The following DNAH11 variants were observed in gnomAD, a reference collection of about 807,000 sequenced individuals.
DNAH11 encodes dynein axonemal heavy chain 11.
Under a neutral mutation model 526.0 loss-of-function variants are expected in DNAH11, and 442 were observed. The ratio of observed to expected loss-of-function variants is 0.84; its 90% confidence interval spans 0.78 to 0.91. DNAH11 has a LOEUF of 0.91. DNAH11 is among the 40% of genes least tolerant of loss of function. The pLI is 0.00. For missense variants in DNAH11, 6,989 were observed against 5,448.7 expected (o/e 1.28, Z -8.90); for synonymous variants, 2,461 against 1,935.9 (o/e 1.27, Z -7.12).
chr7:21,861,005 T>A (rs1302391472), intron 68 of DNAH11, among the ~76,000 whole-genome samples: 2 of 152,138 alleles, frequency 1.3e-5, no homozygotes, highest in African/African-American at 4.8e-5. Flanking sequence ...TTCCACCAGG[T>A]GCCTCCCACA....
At chr7:21,620,228 T>C in intron 25 of DNAH11, 150 bp downstream of exon 25, 1 of 702,268 alleles carries the variant, frequency 1.4e-6, no homozygotes, top group South Asian at 3.0e-5. Flanking sequence ...CACTTAACAT[T>C]TTTTTTGTGG....
chr7:21,738,819 C>T lies in DNAH11; in HGVS notation c.7764C>T (p.Thr2588=), dbSNP rs1417006605. Residue 2588 remains threonine, a synonymous_variant, in exon 47 of 82, where the codon ACC becomes ACT. Coordinates refer to ENST00000409508, the MANE Select transcript of DNAH11 (RefSeq NM_001277115.2). ...MNMPEVDLYG[T]VQPHTLIRQH... is the part of the protein sequence containing the mutation. ...TGCCTGAAGTGGACTTATATGGCAC[C>T]GTTCAGCCTCACACCCTGATCCGGC... 3.7e-6 allele frequency: 6 copies of T among 1,605,668 alleles called. No individual in the cohort carries two copies. The East Asian group carries it at 6.7e-5, about 18-fold the overall frequency.
At chr7:21,665,539 G>T (rs1044449464) in intron 30 of DNAH11, among the ~76,000 whole-genome samples, 1 of 152,026 alleles carries the variant, frequency 6.6e-6, no homozygotes, top group Non-Finnish European at 1.5e-5. Context: ...CATTGGGCTG[G>T]TTCTTTTTTT....
At chr7:21,819,381 A>G (rs1443737770) in intron 65 of DNAH11, among the ~76,000 whole-genome samples, 1 of 152,214 alleles carries the variant, frequency 6.6e-6, no homozygotes, top group African/African-American at 2.4e-5. Context: ...AAATCCATTT[A>G]GAGTGACTGA....
At chr7:21,628,129 G>A (rs1786435364) in intron 25 of DNAH11, among the ~76,000 whole-genome samples, 1 of 151,310 alleles carries the variant, frequency 6.6e-6, no homozygotes, top group African/African-American at 2.4e-5. Flanking sequence ...TTTTTTGTAT[G>A]TCTACTTTGT....
chr7:21,586,362 C>G (rs1447472714), intron 9 of DNAH11, among the ~76,000 whole-genome samples: 1 of 152,110 alleles, frequency 6.6e-6, no homozygotes, highest in Non-Finnish European at 1.5e-5. Context: ...AACCCAAACT[C>G]AACAAAACAA....
intron 28 of DNAH11, among the ~76,000 whole-genome samples, chr7:21,647,075 G>A (rs776393158): frequency 4.1e-4 from 62 of 152,158 alleles, no homozygotes; most frequent in Non-Finnish European, 7.1e-4. Flanking sequence ...TGTTCAAAAA[G>A]TTAAGTGAGA....
intron 57 of DNAH11, among the ~76,000 whole-genome samples, chr7:21,782,981 A>G (rs1788017251): frequency 1.3e-5 from 2 of 148,336 alleles, no homozygotes; most frequent in Non-Finnish European, 3.0e-5. Context: ...AGTACCAAAA[A>G]TCTATGATCC....
chr7:21,820,913 A>C (rs974330082), intron 65 of DNAH11, among the ~76,000 whole-genome samples: 1 of 152,192 alleles, frequency 6.6e-6, no homozygotes, highest in African/African-American at 2.4e-5. Context: ...AATGTTTCTG[A>C]AAGTATTGAC....
In DNAH11 at chr7:21,591,363, C is replaced by T. The variant is rs759571535; in HGVS notation, c.2453C>T (p.Ala818Val). The T allele has an allele frequency of 4.3e-6, 7 of 1,613,862 alleles. No homozygotes were observed. Among genetic ancestry groups the T allele is most frequent in the Admixed American group, 3.3e-5 (2 of 60,016 alleles). ...TGGGGCTACATCGAGAGGGTGAGGG[C>T]AGCCACGTCCGAGTTGGAGCACAGA... ...DCWGYIERVR[A>V]ATSELEHRVE... Residue 818 changes from alanine (A) to valine (V), a missense_variant, in exon 14 of 82, where the codon GCA becomes GTA. Coordinates refer to ENST00000409508, the MANE Select transcript of DNAH11 (RefSeq NM_001277115.2).
At chr7:21,898,728 G>C (rs141691301) in intron 79 of DNAH11, among the ~76,000 whole-genome samples, 3 of 152,288 alleles carry the variant, frequency 2.0e-5, no homozygotes, top group African/African-American at 4.8e-5. Flanking sequence ...GTGAGGAGCC[G>C]AGAAGAGAAC....
chr7:21,795,569 A>ATTAG (rs200753060), intron 61 of DNAH11, among the ~76,000 whole-genome samples: 1,818 of 152,332 alleles, frequency 0.012, 42 homozygotes, highest in African/African-American at 0.042. Context: ...CTCAAAAACT[A>ATTAG]TTAGTTAAAT....
chr7:21,588,739 C>T (rs930040213), intron 11 of DNAH11, 103 bp downstream of exon 11: 3 of 1,347,334 alleles, frequency 2.2e-6, no homozygotes, highest in African/African-American at 2.9e-5. Context: ...AAGCCATTGC[C>T]CTGTTCACTT....
At position 21,756,862 on chromosome 7, in the gene DNAH11, C is replaced by T. The variant is rs573286344; in HGVS notation, c.8940+6498C>T. Among the ~76,000 whole-genome samples the T allele has an allele frequency of 1.4e-4, 21 of 152,234 alleles. No homozygotes were observed. In the South Asian group the frequency reaches 1.9e-3, roughly 14 times the overall value. ...CATCTTTATAATAATTGACCTCTTC[C>T]GGGAATGTGGCACGTGTCTTCCTTT... On this transcript the variant is annotated intron_variant, in intron 54 of 81. Transcript: ENST00000409508.
intron 49 of DNAH11, among the ~76,000 whole-genome samples, chr7:21,742,375 G>C (rs551847905): frequency 2.0e-5 from 3 of 152,120 alleles, no homozygotes; most frequent in Non-Finnish European, 2.9e-5. Flanking sequence ...TGACAATCGT[G>C]GTAGAAGGTG....
intron 24 of DNAH11, among the ~76,000 whole-genome samples, 187 bp from the exon 25 acceptor site, chr7:21,619,769 T>C (rs1405235615): frequency 2.0e-5 from 3 of 152,218 alleles, no homozygotes; most frequent in Non-Finnish European, 2.9e-5. Flanking sequence ...TGCTCATACC[T>C]TTGATGTGAT....
rs189612247 is a variant in DNAH11, at chr7:21,587,554, A to G, written c.1711-510A>G. 6.6e-5 allele frequency among the ~76,000 whole-genome samples: 10 copies of G among 152,194 alleles called. No individual in the cohort carries two copies. The East Asian group carries it at 1.9e-3, about 29-fold the overall frequency. On this transcript the variant is annotated intron_variant, in intron 9 of 81. Transcript: ENST00000409508. ...ACAGTCACCACTGTAGCCCCAGGAC[A>G]CTGTTGGGGGTGGCTGGGTCGTGTG...
chr7:21,640,279 A>G (rs1787064477), intron 28 of DNAH11, among the ~76,000 whole-genome samples: 1 of 152,206 alleles, frequency 6.6e-6, no homozygotes, highest in African/African-American at 2.4e-5. Context: ...ACTATTTTGA[A>G]ACATAATAGT....
At chr7:21,769,030 T>C (rs893449383) in intron 55 of DNAH11, among the ~76,000 whole-genome samples, 1 of 152,120 alleles carries the variant, frequency 6.6e-6, no homozygotes, top group African/African-American at 2.4e-5. Flanking sequence ...GATTATTCAA[T>C]ATGAATAAAA....
Sources: allele counts gnomAD v4.1 joint callset (sites outside exome capture counted in the v4.1 genomes callset), GRCh38; gene constraint gnomAD v4.1.1; transcripts MANE v1.5; gene names NCBI Gene and HGNC (gene_info 2026-07-23, HGNC 2026-07-21).